The following KLC1 variants were observed in gnomAD, a reference collection of about 807,000 sequenced individuals.
The protein encoded by KLC1 is kinesin 2 60/70kDa.
A neutral mutation model predicts 84.2 loss-of-function variants in KLC1; 30 were observed. That is an observed-to-expected ratio of 0.36 (90% CI 0.27 to 0.48). KLC1 has a LOEUF of 0.48. Ranked by LOEUF, KLC1 falls within the 20% of genes least tolerant of loss-of-function variation. The pLI is 0.99. For synonymous variants in KLC1, 289 were observed against 293.3 expected (o/e 0.99, Z 0.15); for missense variants, 499 against 805.4 (o/e 0.62, Z 4.60).
intron 15 of KLC1, chr14:103,699,614 A>C (rs971067447): frequency 1.2e-6 from 2 of 1,607,270 alleles, no homozygotes; most frequent in Non-Finnish European, 1.7e-6. Context: ...CTGGTCAGCA[A>C]GTCCCCGCCC....
chr14:103,695,133 T>A (rs951246218), intron 15 of KLC1: 1 of 980,158 alleles, frequency 1.0e-6, no homozygotes, highest in African/African-American at 1.8e-5. Context: ...TAATAGTGGA[T>A]GGGATTAAAA....
chr14:103,662,008 C>CATCTTTT, intron 3 of KLC1, 108 bp from the exon 4 acceptor site: 2 of 762,536 alleles, frequency 2.6e-6, no homozygotes, highest in East Asian at 5.1e-5. Context: ...AAAAACTGAT[C>CATCTTTT]ATCTTTTCTA....
chr14:103,683,138 A>G (rs709400), intron 13 of KLC1: 45,359 of 152,120 alleles, frequency 0.3, 7,400 homozygotes, highest in Middle Eastern at 0.38. Context: ...CTGGTTAATG[A>G]TAATCGTCCC....
At chr14:103,652,520 C>G (rs1429257366) in intron 1 of KLC1, among the ~76,000 whole-genome samples, 2 of 151,308 alleles carry the variant, frequency 1.3e-5, no homozygotes, top group Non-Finnish European at 2.9e-5. Context: ...GAGACAGAAT[C>G]TTCCTCTGTT....
At chr14:103,677,784 C>A (rs2081026684) in intron 12 of KLC1, among the ~76,000 whole-genome samples, 1 of 151,256 alleles carries the variant, frequency 6.6e-6, no homozygotes, top group East Asian at 1.9e-4. Context: ...CATGGTGAAA[C>A]CCCGTCTCTA....
intron 15 of KLC1, among the ~76,000 whole-genome samples, chr14:103,692,692 C>G (rs1039049393): frequency 1.2e-4 from 18 of 152,200 alleles, no homozygotes; most frequent in Non-Finnish European, 2.1e-4. Context: ...ATAGTTTAAC[C>G]TAATTAATGT....
rs916117115 is a variant in KLC1, at chr14:103,693,707, C to T, written c.1848+1282C>T. On this transcript the variant is annotated intron_variant, in intron 15 of 16. Transcript: ENST00000334553. The surrounding 1 kb of genome is among the most constrained non-coding windows in gnomAD (Gnocchi z 5.1). ...CACCGCCCTGCCCGGAGGCGCCAGCCGCACTCCTTGGCTTCCTTTCCTAGA... is the reference window on the plus strand; with the variant it reads ...CACCGCCCTGCCCGGAGGCGCCAGCTGCACTCCTTGGCTTCCTTTCCTAGA... The T allele has an allele frequency of 5.3e-6, 8 of 1,498,356 alleles. No individual in the cohort carries two copies. The highest frequency in any genetic ancestry group is 2.5e-5 in the East Asian group (1 of 39,954). The allele number at this position is 1,498,356 out of a possible 1,614,324, so 92.8% of individuals were successfully genotyped here.
intron 1 of KLC1, among the ~76,000 whole-genome samples, 152 bp downstream of exon 1, chr14:103,629,646 C>A (rs2076516115): frequency 6.6e-6 from 1 of 152,094 alleles, no homozygotes; most frequent in South Asian, 2.1e-4. Context: ...CCGTTCCCAC[C>A]CCGGTACCCG....
At chr14:103,649,146 CAAAG>C (rs1249329833) in intron 1 of KLC1, among the ~76,000 whole-genome samples, 2 of 151,546 alleles carry the variant, frequency 1.3e-5, no homozygotes, top group African/African-American at 4.8e-5. Context: ...TAAAAAAAAA[CAAAG>C]AAACAGTACA....
At position 103,693,502 on chromosome 14, in the gene KLC1, T is replaced by C. The variant is rs756748475; in HGVS notation, c.1848+1077T>C. 4.3e-5 allele frequency: 66 copies of C among 1,535,228 alleles called. No individual in the cohort carries two copies. The highest frequency in any genetic ancestry group is 5.6e-5 in the Non-Finnish European group (64 of 1,146,462). On this transcript the variant is annotated intron_variant, in intron 15 of 16. Transcript: ENST00000334553. This position sits in a 1 kb window ranked among gnomAD's most constrained non-coding sequence, Gnocchi z 5.1. ...GGCCTGAGGCCATTTGAAGCTGGCATCATTTGAAGTCCTGGTTAAGTGTAA... is the reference window on the plus strand; with the variant it reads ...GGCCTGAGGCCATTTGAAGCTGGCACCATTTGAAGTCCTGGTTAAGTGTAA...
chr14:103,663,328 C>T (rs569133388), intron 5 of KLC1, among the ~76,000 whole-genome samples: 1 of 152,248 alleles, frequency 6.6e-6, no homozygotes, highest in African/African-American at 2.4e-5. Flanking sequence ...GATCCGCCCG[C>T]CTCAGCCTCC....
intron 15 of KLC1, chr14:103,700,173 G>C: frequency 4.9e-6 from 1 of 203,434 alleles, no homozygotes; most frequent in Non-Finnish European, 1.0e-5. Context: ...TCAGGATGGG[G>C]CTGTAGGTTG....
Position 103,673,094 on chromosome 14 carries a change from A to C in KLC1, c.1068A>C (p.Glu356Asp). 1 of 1,614,066 alleles carries C rather than the reference A, an allele frequency of 6.2e-7. No individual in the cohort carries two copies. The highest frequency in any genetic ancestry group is 8.5e-7 in the Non-Finnish European group (1 of 1,179,996). ...ALLCQNQGKY[E>D]EVEYYYQRAL... ...TGTGCCAGAACCAGGGCAAGTATGA[A>C]GAAGTAGAATATTATTATCAAAGAG... is the stretch of plus-strand genomic sequence containing the variant. Residue 356 changes from glutamate to aspartate, a missense_variant, in exon 8 of 17, where the codon GAA becomes GAC. Coordinates refer to ENST00000334553, the MANE Select transcript of KLC1 (RefSeq NM_001394837.1).
intron 1 of KLC1, among the ~76,000 whole-genome samples, chr14:103,650,323 T>A (rs4900585): frequency 6.6e-6 from 1 of 152,034 alleles, no homozygotes; most frequent in Non-Finnish European, 1.5e-5. Context: ...AGAAGATGCA[T>A]TAGCTCCAAA....
At chr14:103,645,759 A>G (rs1595300109) in intron 1 of KLC1, among the ~76,000 whole-genome samples, 2 of 119,996 alleles carry the variant, frequency 1.7e-5, no homozygotes, top group Admixed American at 8.9e-5. Context: ...AGGTGTTACA[A>G]TCCTTTTTTT....
intron 9 of KLC1, 104 bp from the exon 10 acceptor site, chr14:103,675,448 C>T (rs536560809): frequency 1.7e-5 from 15 of 899,720 alleles, no homozygotes; most frequent in African/African-American, 1.0e-4. Context: ...TGAAACTTTT[C>T]GAGTGCCGAC....
chr14:103,643,453 A>G (rs1298559055), intron 1 of KLC1, among the ~76,000 whole-genome samples: 1 of 152,208 alleles, frequency 6.6e-6, no homozygotes, highest in Non-Finnish European at 1.5e-5. Context: ...TAGAATTGTT[A>G]TGAAAAGATT....
rs1211435076 is a variant in KLC1 at position 103,695,415 on chromosome 14, CA to C, written c.1848+2997del. 1.8e-5 allele frequency: 18 copies of C among 983,462 alleles called. No homozygotes were observed. The East Asian group carries it at 3.4e-4, about 19-fold the overall frequency. The allele number at this position is 983,462 out of a possible 1,614,324, so 60.9% of individuals were successfully genotyped here. ...TGGGTTGTGAGAAGCCAACCCCCCC[CA>C]AAAAAAGGGGGGTGTAGAGCAGCTT... On this transcript the variant is annotated intron_variant, in intron 15 of 16. Transcript: ENST00000334553.
intron 1 of KLC1, among the ~76,000 whole-genome samples, chr14:103,644,892 T>C (rs2077782942): frequency 1.3e-5 from 2 of 152,174 alleles, no homozygotes; most frequent in Non-Finnish European, 2.9e-5. Flanking sequence ...TGGATGTTAC[T>C]CTTTTGGGGC....
Sources: gnomAD v4.1 joint callset for allele counts (sites outside exome capture counted in the v4.1 genomes callset) on GRCh38, gnomAD v4.1.1 for gene constraint, Gnocchi (gnomAD v3.1) non-coding constraint, MANE v1.5 for transcripts, NCBI Gene and HGNC (gene_info 2026-07-23, HGNC 2026-07-21) for gene names.